Variants in EYS observed in about 807,000 individuals in gnomAD.
The protein encoded by EYS is protein eyes shut homolog.
A neutral mutation model predicts 282.1 loss-of-function variants in EYS; 250 were observed. That is an observed-to-expected ratio of 0.89 (90% CI 0.80 to 0.98). The LOEUF (loss-of-function observed/expected upper bound fraction) is 0.98, where lower values mean the gene tolerates loss of function less well. Ranked by LOEUF, EYS falls within the 50% of genes least tolerant of loss-of-function variation. The pLI is 0.00. For synonymous variants in EYS, 1,355 were observed against 1,282.9 expected (o/e 1.06, Z -1.20); for missense variants, 4,016 against 3,709.0 (o/e 1.08, Z -2.15).
chr6:64,374,036 G>C lies in EYS; in HGVS notation c.6078+14654C>G, dbSNP rs191786703. On this transcript the variant is annotated intron_variant, in intron 29 of 42. Transcript: ENST00000503581. ...ACTCTCCAGTTGAGTTCACACAGAAGCAGGACCACTTGGCTGGAAACTCTA... is the reference window on the plus strand; with the variant it reads ...ACTCTCCAGTTGAGTTCACACAGAACCAGGACCACTTGGCTGGAAACTCTA... Among the ~76,000 whole-genome samples, 10 of 152,174 alleles carry C rather than the reference G, an allele frequency of 6.6e-5. No homozygotes were observed. In the East Asian group the frequency reaches 1.9e-3, roughly 29 times the overall value.
At chr6:64,615,186 C>CT (rs1767235303) in intron 24 of EYS, among the ~76,000 whole-genome samples, 1 of 151,944 alleles carries the variant, frequency 6.6e-6, no homozygotes, top group African/African-American at 2.4e-5. Context: ...ATCAATTTAC[C>CT]TTTTTTCTAA....
chr6:64,375,219 A>G (rs1772524609), intron 29 of EYS, among the ~76,000 whole-genome samples: 1 of 152,210 alleles, frequency 6.6e-6, no homozygotes, highest in Non-Finnish European at 1.5e-5. Context: ...AAGATTTTCC[A>G]ATTAAGTATA....
At position 63,788,179 on chromosome 6, in the gene EYS, A is replaced by ATT; in HGVS notation, c.7648_7649insAA (p.Phe2550Ter). The ATT allele has an allele frequency of 6.5e-7, 1 of 1,549,096 alleles. No individual in the cohort carries two copies. Among genetic ancestry groups the ATT allele is most frequent in the Non-Finnish European group, 8.7e-7 (1 of 1,145,880 alleles). Residue 2550 changes from phenylalanine to a stop codon, truncating the protein, a stop_gained and frameshift_variant, in exon 39 of 43, where the codon TTT becomes TAATT. Transcript: ENST00000503581. LOFTEE classifies it high-confidence loss of function. Reference protein sequence around the residue: ...RLVGLNVFSQFYVGGYSEYTP... With the variant: ...RLVGLNVFSQ ...GTATTCACTGTAGCCACCTACATAA[A>ATT]ACTGACTGAAGACATTGAGACCAAC...
intron 30 of EYS, among the ~76,000 whole-genome samples, chr6:64,289,155 C>A (rs1450183233): frequency 6.6e-6 from 1 of 151,994 alleles, no homozygotes; most frequent in Non-Finnish European, 1.5e-5. Context: ...GACTTCCCAC[C>A]TTAATTTGTG....
At chr6:65,064,523 A>T (rs1773684806) in intron 12 of EYS, among the ~76,000 whole-genome samples, 1 of 144,682 alleles carries the variant, frequency 6.9e-6, no homozygotes, top group Non-Finnish European at 1.5e-5. Flanking sequence ...TATGTACTAT[A>T]TACTAATATA....
chr6:65,193,649 C>T (rs563646629), intron 12 of EYS, among the ~76,000 whole-genome samples: 1 of 151,360 alleles, frequency 6.6e-6, no homozygotes, highest in East Asian at 2.0e-4. Context: ...CTACATCAGG[C>T]ACTGTTTCAG....
Position 64,571,060 on chromosome 6 carries a change from C to T in EYS, c.5644+19163G>A, listed in dbSNP as rs542548064. On this transcript the variant is annotated intron_variant, in intron 26 of 42. Transcript: ENST00000503581. ...ACACTCCTCAGCAAGTGGAAAACAA[C>T]GAATATCACAACAAACAGTCTCTCA... Among the ~76,000 whole-genome samples the T allele has an allele frequency of 2.2e-4, 33 of 152,164 alleles. 1 individual carries two copies. In the South Asian group the frequency reaches 6.2e-3, roughly 29 times the overall value.
intron 41 of EYS, among the ~76,000 whole-genome samples, chr6:63,755,290 C>A (rs1327688718): frequency 2.0e-5 from 3 of 152,052 alleles, no homozygotes; most frequent in Non-Finnish European, 4.4e-5. Context: ...TTTAATCCAT[C>A]TTGAAATAAT....
chr6:64,879,191 A>C (rs1249578630), intron 19 of EYS, among the ~76,000 whole-genome samples: 4 of 151,978 alleles, frequency 2.6e-5, no homozygotes, highest in Non-Finnish European at 5.9e-5. Flanking sequence ...CTCTATCTCC[A>C]CCTATCATTT....
Position 64,518,514 on chromosome 6 carries a change from A to G in EYS, c.5644+71709T>C, listed in dbSNP as rs1582845237. Among the ~76,000 whole-genome samples the G allele has an allele frequency of 2.6e-5, 4 of 151,872 alleles. No homozygotes were observed. In the East Asian group the frequency reaches 7.7e-4, roughly 29 times the overall value. On this transcript the variant is annotated intron_variant, in intron 26 of 42. Transcript: ENST00000503581. ...TAAGCTAAGTTTCCCCCTTTACCAT[A>G]TAATTATAAACAAAGTATATTTTAT...
chr6:64,105,145 G>T (rs12214413), intron 31 of EYS, among the ~76,000 whole-genome samples: 1 of 151,928 alleles, frequency 6.6e-6, no homozygotes, highest in African/African-American at 2.4e-5. Context: ...AGAATCATCA[G>T]AATCTGCAAG....
At chr6:65,179,396 G>A (rs1221357639) in intron 12 of EYS, among the ~76,000 whole-genome samples, 1 of 152,104 alleles carries the variant, frequency 6.6e-6, no homozygotes, top group African/African-American at 2.4e-5. Flanking sequence ...CAATCCCACA[G>A]AAATACAAAC....
chr6:65,045,905 C>G (rs1183614260), intron 13 of EYS, among the ~76,000 whole-genome samples: 3 of 151,862 alleles, frequency 2.0e-5, no homozygotes, highest in Non-Finnish European at 4.4e-5. Context: ...GCACTGCAAA[C>G]AAACTCACCC....
intron 31 of EYS, among the ~76,000 whole-genome samples, chr6:64,116,181 T>C (rs1200857489): frequency 6.6e-6 from 1 of 152,030 alleles, no homozygotes; most frequent in Admixed American, 6.6e-5. Context: ...TTGACTTCTG[T>C]GGACCTGAAG....
intron 19 of EYS, among the ~76,000 whole-genome samples, chr6:64,849,908 GC>G (rs1198749285): frequency 2.1e-5 from 3 of 146,186 alleles, no homozygotes; most frequent in Admixed American, 1.4e-4. Context: ...AGCCATAGGA[GC>G]CCCTTTTTTA....
At chr6:63,825,630 C>A (rs866351024) in intron 36 of EYS, among the ~76,000 whole-genome samples, 1 of 152,108 alleles carries the variant, frequency 6.6e-6, no homozygotes, top group African/African-American at 2.4e-5. Context: ...GATGGTTAGA[C>A]CCAGAAGAGA....
At chr6:63,812,282 C>T (rs781748742) in intron 36 of EYS, among the ~76,000 whole-genome samples, 4 of 152,156 alleles carry the variant, frequency 2.6e-5, no homozygotes, top group South Asian at 2.1e-4. Context: ...CTCCTGTTCC[C>T]GGTGCCTGAA....
intron 30 of EYS, among the ~76,000 whole-genome samples, chr6:64,245,925 A>G (rs1025129520): frequency 6.8e-6 from 1 of 146,400 alleles, no homozygotes; most frequent in Admixed American, 7.0e-5. Context: ...AGGCTGAGGC[A>G]GGAGAATGGC....
chr6:65,174,236 C>T (rs1765175374), intron 12 of EYS, among the ~76,000 whole-genome samples: 1 of 151,220 alleles, frequency 6.6e-6, no homozygotes, highest in East Asian at 2.0e-4. Flanking sequence ...TTATATAAAG[C>T]ACACTCCACA....
Sources: gnomAD v4.1 joint callset for allele counts (sites outside exome capture counted in the v4.1 genomes callset) on GRCh38, gnomAD v4.1.1 for gene constraint, MANE v1.5 for transcripts, NCBI Gene and HGNC (gene_info 2026-07-23, HGNC 2026-07-21) for gene names.